The following SPIDR variants were observed in gnomAD, a reference collection of about 807,000 sequenced individuals.
SPIDR encodes the protein scaffold protein involved in DNA repair, also known as DNA repair-scaffolding protein.
A neutral mutation model predicts 104.6 loss-of-function variants in SPIDR; 93 were observed. That is an observed-to-expected ratio of 0.89 (90% confidence interval 0.75 to 1.06). The LOEUF (loss-of-function observed/expected upper bound fraction) is 1.06. Among genes scored for constraint, SPIDR ranks in the 50% least tolerant of loss-of-function variants. The probability of loss-of-function intolerance (pLI) is 0.00; values close to 1 mark genes in which losing one functional copy is unlikely to be tolerated. For synonymous variants in SPIDR, 431 were observed against 416.9 expected, an observed-to-expected ratio of 1.03 and a Z score of -0.41; for missense variants, 1,154 against 1,111.2, an observed-to-expected ratio of 1.04 and a Z score of -0.55.
intron 10 of SPIDR, among the ~76,000 whole-genome samples, chr8:47,643,556 C>T (rs1469463319): frequency 1.3e-5 from 2 of 151,774 alleles, no homozygotes; most frequent in African/African-American, 2.4e-5. Flanking sequence ...TTTCTAGAGA[C>T]GGTTTCATCA....
intron 5 of SPIDR, among the ~76,000 whole-genome samples, chr8:47,355,271 TAAAAAA>T (rs34902790): frequency 4.3e-5 from 5 of 116,558 alleles, no homozygotes; most frequent in African/African-American, 1.3e-4. Context: ...AGGTTTTTTG[TAAAAAA>T]AAAAAAAAAA....
At position 47,534,730 on chromosome 8, in the gene SPIDR, ACCC is replaced by A. The variant is rs1215318463; in HGVS notation, c.1098-61080_1098-61078del. Among the ~76,000 whole-genome samples the A allele has an allele frequency of 2.0e-5, 3 of 152,102 alleles. No individual in the cohort carries two copies. In the East Asian group the frequency reaches 5.8e-4, roughly 29 times the overall value. On this transcript the variant is annotated intron_variant, in intron 8 of 19. Coordinates refer to ENST00000297423, the MANE Select transcript of SPIDR (RefSeq NM_001080394.4). ...ATAATACATACAAAAAACCCCCATG[ACCC>A]ATGTTTACCTATGTAACAAACCTTC...
At position 47,599,182 on chromosome 8, in the gene SPIDR, C is replaced by A. The variant is rs1208286941; in HGVS notation, c.1530C>A (p.Asp510Glu). 6.2e-7 allele frequency: 1 copy of A among 1,613,412 alleles called. No individual in the cohort carries two copies. Among genetic ancestry groups the A allele is most frequent in the Admixed American group, 1.7e-5 (1 of 59,932 alleles). ...AGGGGGCCAGCTCAGGACACACAGA[C>A]CCAGCTGGAACTCGGTGAGTGCCAA... ...GQQGASSGHT[D>E]PAGTRACLLV... is the part of the protein sequence containing the mutation. The change falls in exon 10 of 20, where the codon GAC (aspartate) becomes GAA (glutamate). Residue 510 changes from aspartate to glutamate, a missense_variant. Coordinates refer to ENST00000297423, the MANE Select transcript of SPIDR (RefSeq NM_001080394.4).
chr8:47,641,328 C>T (rs2068947533), intron 10 of SPIDR, among the ~76,000 whole-genome samples: 1 of 152,040 alleles, frequency 6.6e-6, no homozygotes, highest in Admixed American at 6.6e-5. Context: ...CCCAGCCAGA[C>T]TAATCAATTT....
At chr8:47,566,657 T>A (rs1233220429) in intron 8 of SPIDR, among the ~76,000 whole-genome samples, 1 of 152,082 alleles carries the variant, frequency 6.6e-6, no homozygotes, top group Non-Finnish European at 1.5e-5. Context: ...CAGTGACATG[T>A]AAATCAATCT....
intron 6 of SPIDR, among the ~76,000 whole-genome samples, chr8:47,406,798 G>T (rs1045090546): frequency 2.0e-4 from 31 of 152,140 alleles, no homozygotes; most frequent in Admixed American, 2.0e-3. Context: ...TCCTCATCTG[G>T]TTAGTTACGT....
At chr8:47,539,747 T>TAAAAA (rs527539176) in intron 8 of SPIDR, among the ~76,000 whole-genome samples, 1 of 139,510 alleles carries the variant, frequency 7.2e-6, no homozygotes, top group East Asian at 2.0e-4. Flanking sequence ...CTTTTCTTCT[T>TAAAAA]AAAAAAAAAA....
chr8:47,598,061 A>T (rs1287100027), intron 9 of SPIDR, among the ~76,000 whole-genome samples: 6 of 152,248 alleles, frequency 3.9e-5, no homozygotes, highest in South Asian at 2.1e-4. Flanking sequence ...TGCAAAAAGG[A>T]AGACTCTCGA....
chr8:47,469,569 A>G (rs1476127493), intron 8 of SPIDR, among the ~76,000 whole-genome samples: 1 of 152,182 alleles, frequency 6.6e-6, no homozygotes, highest in East Asian at 1.9e-4. Context: ...GTGATTTTAC[A>G]GAAACATGAA....
chr8:47,545,123 T>C (rs796755254), intron 8 of SPIDR, among the ~76,000 whole-genome samples: 63 of 133,978 alleles, frequency 4.7e-4, no homozygotes, highest in African/African-American at 9.9e-4. Flanking sequence ...TTCTTTCTTT[T>C]TTTTTTTTTT....
chr8:47,485,978 CA>C (rs34183317), intron 8 of SPIDR, among the ~76,000 whole-genome samples: 1 of 152,186 alleles, frequency 6.6e-6, no homozygotes, highest in African/African-American at 2.4e-5. Flanking sequence ...TCCTCGCCAG[CA>C]ACGGAACAAA....
intron 2 of SPIDR, among the ~76,000 whole-genome samples, chr8:47,282,729 C>T (rs1382590060): frequency 3.3e-5 from 5 of 152,208 alleles, no homozygotes; most frequent in African/African-American, 9.6e-5. Flanking sequence ...CTTTCAATTT[C>T]GTTCAAGAGC....
chr8:47,502,061 G>A (rs548691891), intron 8 of SPIDR, among the ~76,000 whole-genome samples: 4 of 151,990 alleles, frequency 2.6e-5, no homozygotes, highest in African/African-American at 9.6e-5. Context: ...TTTTATTGAG[G>A]ATTCTGTCGA....
intron 8 of SPIDR, among the ~76,000 whole-genome samples, chr8:47,467,949 T>C (rs2075153464): frequency 6.6e-6 from 1 of 152,184 alleles, no homozygotes; most frequent in African/African-American, 2.4e-5. Flanking sequence ...ATCCTCTATC[T>C]AGAAAACCCC....
intron 8 of SPIDR, among the ~76,000 whole-genome samples, chr8:47,550,948 T>C (rs1222204999): frequency 6.6e-6 from 1 of 152,226 alleles, no homozygotes; most frequent in Non-Finnish European, 1.5e-5. Flanking sequence ...GTTCCATCAG[T>C]ACCTAATTTA....
chr8:47,292,660 A>T (rs1192170801), intron 4 of SPIDR, among the ~76,000 whole-genome samples: 1 of 152,158 alleles, frequency 6.6e-6, no homozygotes, highest in Non-Finnish European at 1.5e-5. Flanking sequence ...ATTTAAGTGT[A>T]ATAGTAGCAG....
At chr8:47,523,784 T>C (rs1476876718) in intron 8 of SPIDR, among the ~76,000 whole-genome samples, 1 of 150,044 alleles carries the variant, frequency 6.7e-6, no homozygotes, top group Non-Finnish European at 1.5e-5. Flanking sequence ...TAAGAAGTGC[T>C]AACTTCCTCA....
chr8:47,733,779 G>A (rs974447584), intron 19 of SPIDR, among the ~76,000 whole-genome samples: 1 of 152,032 alleles, frequency 6.6e-6, no homozygotes, highest in Non-Finnish European at 1.5e-5. Flanking sequence ...TGCCGTCCAT[G>A]CCACCTCAGA....
intron 8 of SPIDR, among the ~76,000 whole-genome samples, chr8:47,530,027 T>TA: frequency 6.6e-6 from 1 of 152,336 alleles, no homozygotes; most frequent in Middle Eastern, 3.4e-3. Flanking sequence ...GCAGACATCA[T>TA]AAGGGCACTT....
Sources: allele counts gnomAD v4.1 joint callset (sites outside exome capture counted in the v4.1 genomes callset), GRCh38; gene constraint gnomAD v4.1.1; transcripts MANE v1.5; gene names NCBI Gene and HGNC (gene_info 2026-07-23, HGNC 2026-07-21).